Variants in ADCY9 observed in about 807,000 individuals in gnomAD.
The protein encoded by ADCY9 is adenylate cyclase 9.
ADCY9 carries 50 observed loss-of-function variants against 101.5 expected under a neutral mutation model. The ratio of observed to expected loss-of-function variants is 0.49; its 90% CI spans 0.39 to 0.62. The LOEUF is 0.62. Among genes scored for constraint, ADCY9 ranks in the 20% least tolerant of loss-of-function variants. The probability of loss-of-function intolerance (pLI) is 0.00; values close to 1 mark genes in which losing one functional copy is unlikely to be tolerated. For synonymous variants in ADCY9, 905 were observed against 769.3 expected, an observed-to-expected ratio of 1.18 and a Z score of -2.92; for missense variants, 1,662 against 1,800.4, an observed-to-expected ratio of 0.92 and a Z score of 1.39.
intron 3 of ADCY9, among the ~76,000 whole-genome samples, chr16:3,994,345 C>A (rs1254304823): frequency 6.6e-6 from 1 of 152,190 alleles, no homozygotes; most frequent in Admixed American, 6.5e-5. Flanking sequence ...GGTATTTCAA[C>A]AGGGTTTCTC....
At chr16:4,053,673 A>G (rs1483299114) in intron 2 of ADCY9, among the ~76,000 whole-genome samples, 1 of 59,284 alleles carries the variant, frequency 1.7e-5, no homozygotes, top group African/African-American at 7.5e-5. Flanking sequence ...AGGTCACAAA[A>G]TATTTTTGGA....
chr16:4,030,621 T>C (rs1341204253), intron 2 of ADCY9, among the ~76,000 whole-genome samples: 1 of 151,928 alleles, frequency 6.6e-6, no homozygotes, highest in Non-Finnish European at 1.5e-5. Context: ...GAGAATCACT[T>C]GAACCTGGGA....
At chr16:4,064,756 G>A (rs1007160594) in intron 2 of ADCY9, among the ~76,000 whole-genome samples, 3 of 152,024 alleles carry the variant, frequency 2.0e-5, no homozygotes, top group Non-Finnish European at 2.9e-5. Context: ...TGGGATCACA[G>A]GCATGAGCCA....
chr16:4,056,318 A>G (rs1327587977), intron 2 of ADCY9, among the ~76,000 whole-genome samples: 1 of 152,162 alleles, frequency 6.6e-6, no homozygotes, highest in African/African-American at 2.4e-5. Context: ...GCAGTGATGC[A>G]ATCTCAGCTC....
chr16:4,019,411 T>A (rs1420805831), intron 2 of ADCY9, among the ~76,000 whole-genome samples: 2 of 152,192 alleles, frequency 1.3e-5, no homozygotes, highest in East Asian at 1.9e-4. Context: ...CAACTGTCAT[T>A]TATGCCTTAA....
chr16:4,065,882 T>C (rs966371359), intron 2 of ADCY9, among the ~76,000 whole-genome samples: 3 of 152,184 alleles, frequency 2.0e-5, no homozygotes, highest in Non-Finnish European at 4.4e-5. Flanking sequence ...TTTTGTATTT[T>C]TAGTAGAGAC....
intron 10 of ADCY9, among the ~76,000 whole-genome samples, chr16:3,967,317 TG>T (rs2056007864): frequency 6.6e-6 from 1 of 151,782 alleles, no homozygotes. Context: ...AGTAAGTGCT[TG>T]GTAATCGTTT....
chr16:3,970,166 C>T (rs998560975), intron 10 of ADCY9, among the ~76,000 whole-genome samples: 2 of 151,998 alleles, frequency 1.3e-5, no homozygotes, highest in Admixed American at 1.3e-4. Flanking sequence ...GGCGGATCCA[C>T]AGTTTAGACA....
chr16:3,984,504 G>A (rs141801386), intron 6 of ADCY9, among the ~76,000 whole-genome samples: 43 of 152,284 alleles, frequency 2.8e-4, no homozygotes, highest in East Asian at 1.5e-3. Flanking sequence ...TGACGCTCAC[G>A]GCACCCCACA....
chr16:3,973,690 G>A (rs887827548), intron 10 of ADCY9, among the ~76,000 whole-genome samples: 20 of 151,662 alleles, frequency 1.3e-4, no homozygotes, highest in Admixed American at 2.0e-4. Flanking sequence ...ACAGGATTTC[G>A]CTATGTTGCC....
At chr16:4,038,955 G>T (rs1426316155) in intron 2 of ADCY9, among the ~76,000 whole-genome samples, 1 of 151,996 alleles carries the variant, frequency 6.6e-6, no homozygotes, top group East Asian at 1.9e-4. Flanking sequence ...CATAAGCCTT[G>T]CTCTGAAACT....
At chr16:3,953,698 C>G (rs2055893180) in intron 5 of ADCY9, among the ~76,000 whole-genome samples, 1 of 152,208 alleles carries the variant, frequency 6.6e-6, no homozygotes, top group African/African-American at 2.4e-5. Flanking sequence ...CTCCCAAGCC[C>G]ACAGGTAGGA....
At chr16:4,073,082 G>A (rs1490995811) in intron 2 of ADCY9, among the ~76,000 whole-genome samples, 1 of 150,834 alleles carries the variant, frequency 6.6e-6, no homozygotes, top group Non-Finnish European at 1.5e-5. Flanking sequence ...TCCTTGGTAT[G>A]AAATTTTTCT....
chr16:4,084,667 A>G (rs2056926179), intron 2 of ADCY9, among the ~76,000 whole-genome samples: 1 of 151,942 alleles, frequency 6.6e-6, no homozygotes, highest in African/African-American at 2.4e-5. Context: ...TCGAGGCTTC[A>G]GTGAGCCATG....
intron 2 of ADCY9, among the ~76,000 whole-genome samples, chr16:4,087,684 T>C (rs1311770219): frequency 2.0e-5 from 3 of 151,928 alleles, no homozygotes; most frequent in Non-Finnish European, 4.4e-5. Flanking sequence ...ATCAGATCCT[T>C]TGCTCAGATA....
chr16:4,057,856 C>T (rs2056750463), intron 2 of ADCY9, among the ~76,000 whole-genome samples: 3 of 152,068 alleles, frequency 2.0e-5, no homozygotes, highest in African/African-American at 7.2e-5. Context: ...AAAACCAAGG[C>T]CCAGGGAACC....
At chr16:4,066,026 C>T (rs190134351) in intron 2 of ADCY9, among the ~76,000 whole-genome samples, 7 of 152,128 alleles carry the variant, frequency 4.6e-5, no homozygotes, top group Admixed American at 6.5e-5. Flanking sequence ...CTTTAGCAAG[C>T]GGGATGTTGT....
At chr16:4,096,444 T>C (rs2057004600) in intron 2 of ADCY9, among the ~76,000 whole-genome samples, 1 of 152,158 alleles carries the variant, frequency 6.6e-6, no homozygotes, top group Non-Finnish European at 1.5e-5. Flanking sequence ...CAAAAGCTAA[T>C]TTACAAAAAC....
chr16:3,988,694 C>G (rs1213209662), intron 6 of ADCY9, among the ~76,000 whole-genome samples: 1 of 56,694 alleles, frequency 1.8e-5, no homozygotes, highest in Non-Finnish European at 3.5e-5. Flanking sequence ...CCTTTCAGGA[C>G]AGGTTGTGGT....
Sources: allele counts gnomAD v4.1 joint callset (sites outside exome capture counted in the v4.1 genomes callset), GRCh38; gene constraint gnomAD v4.1.1; transcripts MANE v1.5; gene names NCBI Gene and HGNC (gene_info 2026-07-23, HGNC 2026-07-21).